ASIC2: variants seen among roughly 807,000 people sequenced by gnomAD.
ASIC2 encodes the protein acid-sensing ion channel 2.
ASIC2 carries 25 observed loss-of-function variants against 57.3 expected under a neutral mutation model. The ratio of observed to expected loss-of-function variants is 0.44; its 90% CI spans 0.32 to 0.61. ASIC2 has a LOEUF of 0.61. Among genes scored for constraint, ASIC2 ranks in the 20% least tolerant of loss-of-function variants. ASIC2 has a pLI of 0.06. For synonymous variants in ASIC2, 319 were observed against 307.5 expected, an observed-to-expected ratio of 1.04 and a Z score of -0.39; for missense variants, 641 against 738.1, an observed-to-expected ratio of 0.87 and a Z score of 1.52.
intron 1 of ASIC2, among the ~76,000 whole-genome samples, chr17:34,088,982 C>G (rs190839819): frequency 3.3e-5 from 5 of 152,206 alleles, no homozygotes; most frequent in Admixed American, 6.5e-5. Flanking sequence ...TGACCCCTTG[C>G]GCTTCCCAAA....
intron 1 of ASIC2, among the ~76,000 whole-genome samples, chr17:33,950,563 G>T (rs1444377013): frequency 6.6e-6 from 1 of 152,220 alleles, no homozygotes; most frequent in Admixed American, 6.5e-5. Flanking sequence ...AATGAGTGGG[G>T]ACCTGGAGTC....
chr17:33,259,540 A>C (rs995588018), intron 1 of ASIC2, among the ~76,000 whole-genome samples: 1 of 151,862 alleles, frequency 6.6e-6, no homozygotes, highest in Non-Finnish European at 1.5e-5. Flanking sequence ...GGCCCCCTTT[A>C]CTGAGCAGTA....
At chr17:33,717,120 G>A (rs1909248443) in intron 1 of ASIC2, among the ~76,000 whole-genome samples, 1 of 152,196 alleles carries the variant, frequency 6.6e-6, no homozygotes, top group African/African-American at 2.4e-5. Flanking sequence ...TTTAAAGTGA[G>A]ACTTTGATGT....
intron 1 of ASIC2, chr17:34,039,505 C>A (rs1427194243): frequency 1.9e-6 from 3 of 1,613,672 alleles, no homozygotes; most frequent in Non-Finnish European, 2.5e-6. Context: ...CTGTTCTACT[C>A]GTCGCGGTAA....
At chr17:33,961,527 C>G (rs1403545318) in intron 1 of ASIC2, among the ~76,000 whole-genome samples, 1 of 152,184 alleles carries the variant, frequency 6.6e-6, no homozygotes, top group Non-Finnish European at 1.5e-5. Flanking sequence ...GTAATGGGTG[C>G]TCCTCAAACA....
intron 1 of ASIC2, among the ~76,000 whole-genome samples, chr17:33,712,464 A>G (rs898445808): frequency 3.9e-5 from 6 of 152,088 alleles, no homozygotes; most frequent in Admixed American, 3.9e-4. Flanking sequence ...GCTTAAAGCA[A>G]AGGATGTACT....
At chr17:33,579,699 C>T (rs992750401) in intron 1 of ASIC2, among the ~76,000 whole-genome samples, 3 of 152,128 alleles carry the variant, frequency 2.0e-5, no homozygotes, top group Non-Finnish European at 4.4e-5. Context: ...TACAGACCTT[C>T]GCAGCCAGCG....
chr17:34,137,559 G>C (rs976219178), intron 1 of ASIC2, among the ~76,000 whole-genome samples: 1 of 152,232 alleles, frequency 6.6e-6, no homozygotes, highest in African/African-American at 2.4e-5. Context: ...CCTGGGCACA[G>C]TCTTCTTTGT....
intron 1 of ASIC2, among the ~76,000 whole-genome samples, chr17:33,659,963 A>T (rs1907205062): frequency 6.6e-6 from 1 of 151,960 alleles, no homozygotes; most frequent in African/African-American, 2.4e-5. Flanking sequence ...GCACGCCTAT[A>T]GTCCCAGCTA....
At chr17:33,550,253 A>G (rs968634131) in intron 1 of ASIC2, among the ~76,000 whole-genome samples, 2 of 152,176 alleles carry the variant, frequency 1.3e-5, no homozygotes, top group Non-Finnish European at 2.9e-5. Flanking sequence ...GAACGATCTC[A>G]AGCAGTGTTG....
chr17:33,592,275 A>T (rs1046053993), intron 1 of ASIC2, among the ~76,000 whole-genome samples: 2 of 150,762 alleles, frequency 1.3e-5, no homozygotes, highest in Admixed American at 1.3e-4. Context: ...CAGTGCTGGC[A>T]TTCTGCCCTA....
chr17:33,142,999 A>G (rs1904385684), intron 1 of ASIC2, among the ~76,000 whole-genome samples: 1 of 152,222 alleles, frequency 6.6e-6, no homozygotes, highest in Non-Finnish European at 1.5e-5. Context: ...TAAACCAAAA[A>G]GCTCAATAAG....
intron 1 of ASIC2, among the ~76,000 whole-genome samples, chr17:33,723,170 C>T (rs1157021571): frequency 6.6e-6 from 1 of 152,090 alleles, no homozygotes; most frequent in Non-Finnish European, 1.5e-5. Context: ...GTGGTCTAGT[C>T]ATACAATAAA....
intron 3 of ASIC2, among the ~76,000 whole-genome samples, chr17:33,073,075 C>T (rs571308890): frequency 3.3e-5 from 5 of 152,258 alleles, no homozygotes; most frequent in South Asian, 2.1e-4. Flanking sequence ...TCATTTCTAC[C>T]GGGATCAGTT....
intron 1 of ASIC2, among the ~76,000 whole-genome samples, chr17:33,748,567 G>T (rs1910333988): frequency 6.6e-6 from 1 of 152,186 alleles, no homozygotes; most frequent in Non-Finnish European, 1.5e-5. Context: ...CTCATCATGG[G>T]TAGGGTGGAA....
At chr17:33,148,251 A>G (rs1407929870) in intron 1 of ASIC2, among the ~76,000 whole-genome samples, 2 of 152,184 alleles carry the variant, frequency 1.3e-5, no homozygotes, top group Non-Finnish European at 2.9e-5. Flanking sequence ...ATTGACACAT[A>G]CCATATGCTA....
chr17:33,105,176 C>T (rs2092230280), intron 2 of ASIC2, among the ~76,000 whole-genome samples: 2 of 152,280 alleles, frequency 1.3e-5, no homozygotes, highest in African/African-American at 4.8e-5. Context: ...GCTTTGTCCC[C>T]ACCCAAATCT....
intron 1 of ASIC2, among the ~76,000 whole-genome samples, chr17:33,882,485 A>C (rs1914726577): frequency 1.3e-5 from 2 of 152,344 alleles, no homozygotes; most frequent in African/African-American, 4.8e-5. Flanking sequence ...GAAGACATTT[A>C]TGCAGCCAAC....
intron 1 of ASIC2, among the ~76,000 whole-genome samples, chr17:33,869,219 C>G (rs964785750): frequency 1.3e-5 from 2 of 152,196 alleles, no homozygotes; most frequent in African/African-American, 4.8e-5. Flanking sequence ...TGCCATTTCA[C>G]AACCTCTAGA....
Sources: allele counts gnomAD v4.1 joint callset (sites outside exome capture counted in the v4.1 genomes callset), GRCh38; gene constraint gnomAD v4.1.1; transcripts MANE v1.5; gene names NCBI Gene and HGNC (gene_info 2026-07-23, HGNC 2026-07-21).